Variants in CCNH observed in about 807,000 individuals in gnomAD.
CCNH encodes the protein cyclin-H.
In CCNH, 31 loss-of-function variants were observed where a neutral mutation model predicts 41.9. The observed-to-expected ratio is 0.74, with a 90% confidence interval of 0.56 to 1.00. The LOEUF (loss-of-function observed/expected upper bound fraction) is 1.00. CCNH is among the 50% of genes least tolerant of loss of function. The pLI, the probability that CCNH is intolerant of heterozygous loss-of-function variation, is 0.00. For missense variants in CCNH, 362 were observed against 388.4 expected (o/e 0.93, Z 0.57); for synonymous variants, 138 against 136.1 (o/e 1.01, Z -0.10).
chr5:87,349,129 T>C, intron 9 of CCNH: 3 of 1,477,616 alleles, frequency 2.0e-6, no homozygotes. Flanking sequence ...TTTATGACTT[T>C]GAATGCACTT....
intron 7 of CCNH, 22 bp from the exon 8 acceptor site, chr5:87,395,126 T>C (rs750252488): frequency 6.2e-7 from 1 of 1,600,572 alleles, no homozygotes; most frequent in Admixed American, 1.7e-5. Flanking sequence ...CAACTATCAA[T>C]AAGCAATCCA....
chr5:87,374,145 ATATT>A (rs1761148912), downstream of CCNH: 162 of 1,347,162 alleles, frequency 1.2e-4, no homozygotes, highest in East Asian at 2.9e-4. Flanking sequence ...ATATATATAT[ATATT>A]TTTTTTTTTT....
At chr5:87,339,380 G>C (rs1220389268) in intron 9 of CCNH, among the ~76,000 whole-genome samples, 2 of 152,086 alleles carry the variant, frequency 1.3e-5, no homozygotes, top group African/African-American at 4.8e-5. Flanking sequence ...CAGTAAAAGA[G>C]ATATTTACTC....
chr5:87,376,661 G>A (rs1352185807), exon 1 of CCNH: 1 of 1,433,652 alleles, frequency 7.0e-7, no homozygotes, highest in Non-Finnish European at 9.7e-7. Context: ...GTAATTCATA[G>A]CTTAGTAGCA....
chr5:87,367,397 A>G (rs1338514627), intron 9 of CCNH, among the ~76,000 whole-genome samples: 1 of 152,214 alleles, frequency 6.6e-6, no homozygotes, highest in Non-Finnish European at 1.5e-5. Context: ...GCTGACCTTT[A>G]GCATTTAGAA....
At chr5:87,409,398 G>A in intron 2 of CCNH, 35 bp from the exon 3 acceptor site, 1 of 1,181,876 alleles carries the variant, frequency 8.5e-7, no homozygotes, top group Non-Finnish European at 1.2e-6. Context: ...TCAGGATCTA[G>A]TCACAAATGT....
At chr5:87,376,134 CCTT>C (rs988796204), downstream of CCNH, 14 of 503,090 alleles carry the variant, frequency 2.8e-5, no homozygotes, top group Non-Finnish European at 4.3e-5. Flanking sequence ...TGATTTCTTG[CCTT>C]CTTGACTAAA....
intron 4 of CCNH, among the ~76,000 whole-genome samples, chr5:87,405,763 C>T (rs1763742586): frequency 6.6e-6 from 1 of 152,060 alleles, no homozygotes; most frequent in Non-Finnish European, 1.5e-5. Flanking sequence ...CACCAGTGTC[C>T]TCTGGTCCTC....
At chr5:87,374,448 T>C, downstream of CCNH, 1 of 275,850 alleles carries the variant, frequency 3.6e-6, no homozygotes, top group Non-Finnish European at 5.9e-6. Flanking sequence ...ATAGCATATA[T>C]ATATATATAT....
chr5:87,412,877 C>A lies in CCNH; in HGVS notation c.-83G>T. 1.3e-6 allele frequency: 2 copies of A among 1,554,734 alleles called. No individual in the cohort carries two copies. Among genetic ancestry groups the A allele is most frequent in the Admixed American group, 1.8e-5 (1 of 55,206 alleles). ...TCCTGGCGTAAAACACCCGTACCCC[C>A]ACCGAAGATCTCGCGGAAGCCTAGG... is the stretch of plus-strand genomic sequence containing the variant. On this transcript the variant is annotated 5_prime_UTR_variant, in exon 1 of 9. Transcript: ENST00000256897.
At chr5:87,341,321 T>C in intron 9 of CCNH, 7 of 1,353,792 alleles carry the variant, frequency 5.2e-6, no homozygotes, top group Non-Finnish European at 6.7e-6. Flanking sequence ...GAAGGAAAAA[T>C]GTGAGTTTGT....
At chr5:87,321,623 G>A (rs1217822223) in intron 9 of CCNH, among the ~76,000 whole-genome samples, 1 of 152,252 alleles carries the variant, frequency 6.6e-6, no homozygotes, top group Non-Finnish European at 1.5e-5. Context: ...ATATGGCAAG[G>A]TCTGGATGCC....
chr5:87,339,213 C>A (rs1056983868), intron 9 of CCNH, among the ~76,000 whole-genome samples: 1 of 152,040 alleles, frequency 6.6e-6, no homozygotes, highest in Non-Finnish European at 1.5e-5. Context: ...CCTATTCTGG[C>A]AACCAAATCT....
At chr5:87,379,476 T>TC (rs929229307), upstream of CCNH, among the ~76,000 whole-genome samples, 1 of 152,184 alleles carries the variant, frequency 6.6e-6, no homozygotes, top group Non-Finnish European at 1.5e-5. Flanking sequence ...CAGCTTTTTT[T>TC]CCCCTCAAAT....
chr5:87,385,439 CATG>C lies in CCNH; in HGVS notation c.*90+7328_*90+7330del, dbSNP rs778175696. 2.8e-5 allele frequency: 38 copies of C among 1,343,524 alleles called. No individual in the cohort carries two copies. In the East Asian group the frequency reaches 5.4e-4, roughly 19 times the overall value. The allele number at this position is 1,343,524 out of a possible 1,614,324, so 83.2% of individuals were successfully genotyped here. On this transcript the variant is annotated intron_variant and NMD_transcript_variant, in intron 9 of 9. Transcript: ENST00000645953. The stretch of plus-strand genomic sequence containing the variant: ...ATGTAATTTATGAATGCAAGTTTGA[CATG>C]ATAAAACCATAAATTGTGGCTTAAG...
At chr5:87,322,382 T>G (rs1756890219) in intron 9 of CCNH, among the ~76,000 whole-genome samples, 1 of 152,228 alleles carries the variant, frequency 6.6e-6, no homozygotes, top group Admixed American at 6.5e-5. Flanking sequence ...TGTGTGCTCC[T>G]TATGAGAATC....
At chr5:87,338,115 A>G (rs1161924149) in intron 9 of CCNH, 1 of 1,610,826 alleles carries the variant, frequency 6.2e-7, no homozygotes, top group East Asian at 2.2e-5. Context: ...TTTTCTTCTC[A>G]ATTCTAGATT....
At chr5:87,373,189 A>G (rs1369558196), downstream of CCNH, among the ~76,000 whole-genome samples, 1 of 152,162 alleles carries the variant, frequency 6.6e-6, no homozygotes, top group African/African-American at 2.4e-5. Flanking sequence ...TGATTTACAT[A>G]TACTGTCAGC....
chr5:87,333,091 GAAC>G (rs1355859865), intron 9 of CCNH, among the ~76,000 whole-genome samples: 1 of 151,934 alleles, frequency 6.6e-6, no homozygotes, highest in Non-Finnish European at 1.5e-5. Flanking sequence ...ATAAAAACAG[GAAC>G]AACAAAAAAG....
Sources: allele counts gnomAD v4.1 joint callset (sites outside exome capture counted in the v4.1 genomes callset), GRCh38; gene constraint gnomAD v4.1.1; transcripts MANE v1.5; gene names NCBI Gene and HGNC (gene_info 2026-07-23, HGNC 2026-07-21).